LRP1B: variants seen among roughly 807,000 people sequenced by gnomAD.
The protein encoded by LRP1B is low-density lipoprotein receptor-related protein 1B.
In LRP1B, 217 loss-of-function variants were observed where a neutral mutation model predicts 556.6. That is an observed-to-expected ratio of 0.39 (90% confidence interval 0.35 to 0.44). The LOEUF (loss-of-function observed/expected upper bound fraction) is 0.44. LRP1B is among the 20% of genes least tolerant of loss of function. The pLI is 1.00. For missense variants in LRP1B, 5,053 were observed against 5,620.8 expected (o/e 0.90, Z 3.23); for synonymous variants, 2,047 against 1,865.8 (o/e 1.10, Z -2.50).
intron 3 of LRP1B, among the ~76,000 whole-genome samples, chr2:141,414,129 C>T (rs565785499): frequency 6.0e-5 from 9 of 150,044 alleles, no homozygotes; most frequent in African/African-American, 9.8e-5. Flanking sequence ...CCCAGCTACT[C>T]GGGAGACTGA....
At chr2:141,181,554 AAG>A (rs142200319) in intron 7 of LRP1B, among the ~76,000 whole-genome samples, 7,795 of 151,954 alleles carry the variant, frequency 0.051, 288 homozygotes, top group South Asian at 0.11. Context: ...GTAAAAAAGA[AAG>A]AAACAAAAAA....
At chr2:141,824,162 A>G (rs570857151) in intron 1 of LRP1B, among the ~76,000 whole-genome samples, 1 of 152,094 alleles carries the variant, frequency 6.6e-6, no homozygotes, top group Non-Finnish European at 1.5e-5. Flanking sequence ...TTTGTGGGAG[A>G]TAAATAACAG....
chr2:141,861,264 C>T (rs909617278), intron 1 of LRP1B, among the ~76,000 whole-genome samples: 1 of 152,154 alleles, frequency 6.6e-6, no homozygotes, highest in African/African-American at 2.4e-5. Context: ...CCTAAATCCT[C>T]ATTACTCTCC....
Position 140,700,291 on chromosome 2 carries a change from A to C in LRP1B, c.6758T>G (p.Leu2253Arg). Reference protein sequence around the residue: ...YSDAHFGNIQLIKDNWEDRQV... With the variant: ...YSDAHFGNIQRIKDNWEDRQV... Reference sequence around the variant, plus strand: ...TCTGTCTTCCCAGTTGTCTTTAATAAGCTGTATATTTCCAAAGTGTGCATC... The same window carrying C: ...TCTGTCTTCCCAGTTGTCTTTAATACGCTGTATATTTCCAAAGTGTGCATC... The change falls in exon 41 of 91, where the codon CTT (leucine) becomes CGT (arginine). Residue 2253 changes from leucine (L) to arginine (R), a missense_variant. By Grantham distance (102) the Leu-to-Arg change is moderately radical (BLOSUM62 -2). This residue lies in a region of LRP1B where 3,619 missense variants were observed against 3,931.9 expected (regional missense o/e 0.92). Coordinates refer to ENST00000389484, the MANE Select transcript of LRP1B (RefSeq NM_018557.3). 6.2e-7 allele frequency: 1 copy of C among 1,612,412 alleles called. No individual in the cohort carries two copies. Among genetic ancestry groups the C allele is most frequent in the Non-Finnish European group, 8.5e-7 (1 of 1,179,046 alleles).
At chr2:140,878,497 T>C (rs1693376769) in intron 25 of LRP1B, among the ~76,000 whole-genome samples, 1 of 152,178 alleles carries the variant, frequency 6.6e-6, no homozygotes, top group Non-Finnish European at 1.5e-5. Flanking sequence ...AAAATGCCTT[T>C]CTTAAAAATA....
chr2:140,812,459 A>G (rs1690962128), intron 32 of LRP1B, among the ~76,000 whole-genome samples: 1 of 152,096 alleles, frequency 6.6e-6, no homozygotes, highest in Non-Finnish European at 1.5e-5. Flanking sequence ...TCATCTAGAT[A>G]TTTTTAATTT....
chr2:141,037,010 A>G (rs902272363), intron 11 of LRP1B, among the ~76,000 whole-genome samples: 1 of 152,018 alleles, frequency 6.6e-6, no homozygotes, highest in Non-Finnish European at 1.5e-5. Context: ...CAAGACTGGC[A>G]CAAGAGAAAA....
chr2:141,205,638 C>T (rs961698299), intron 6 of LRP1B, among the ~76,000 whole-genome samples: 3 of 152,018 alleles, frequency 2.0e-5, no homozygotes, highest in Non-Finnish European at 2.9e-5. Context: ...GAGAGAACTA[C>T]GATAGTTCTA....
chr2:140,360,825 G>T (rs1473296707), intron 72 of LRP1B, among the ~76,000 whole-genome samples: 1 of 151,566 alleles, frequency 6.6e-6, no homozygotes, highest in African/African-American at 2.4e-5. Context: ...CACAGTGGCA[G>T]TTTCTGTTGC....
intron 41 of LRP1B, among the ~76,000 whole-genome samples, chr2:140,646,099 G>A (rs569073658): frequency 2.7e-4 from 41 of 152,114 alleles, no homozygotes; most frequent in Admixed American, 2.0e-3. Flanking sequence ...CTCAGTTCTC[G>A]TAATTTCATA....
intron 1 of LRP1B, among the ~76,000 whole-genome samples, chr2:141,915,312 G>A (rs1048781039): frequency 6.6e-6 from 1 of 152,072 alleles, no homozygotes; most frequent in African/African-American, 2.4e-5. Flanking sequence ...GAATGAAACT[G>A]AACCTTTCAC....
intron 41 of LRP1B, among the ~76,000 whole-genome samples, chr2:140,603,722 C>T (rs1430388803): frequency 6.6e-6 from 1 of 151,980 alleles, no homozygotes; most frequent in African/African-American, 2.4e-5. Context: ...ATCTGTTTTA[C>T]TTTATTTTTG....
chr2:141,058,993 T>C lies in LRP1B; in HGVS notation c.1298A>G (p.Asn433Ser), dbSNP rs988757446. 1.3e-6 allele frequency: 2 copies of C among 1,593,146 alleles called. No homozygotes were observed. Among genetic ancestry groups the C allele is most frequent in the Admixed American group, 3.5e-5 (2 of 57,708 alleles). Residue 433 changes from asparagine to serine, a missense_variant, in exon 9 of 91, where the codon AAC (asparagine) becomes AGC (serine). By Grantham distance (46) the Asn-to-Ser change is conservative. This residue lies in a region of LRP1B where 3,619 missense variants were observed against 3,931.9 expected (regional missense o/e 0.92). Transcript: ENST00000389484. ...EDYLYATNSD[N>S]YNIVRINRFN... ...TCGGTTTATCCTTACGATATTGTAGTTATCAGAATTGGTTGCATACAAATA... is the reference window on the plus strand; with the variant it reads ...TCGGTTTATCCTTACGATATTGTAGCTATCAGAATTGGTTGCATACAAATA...
intron 66 of LRP1B, among the ~76,000 whole-genome samples, chr2:140,413,936 A>G (rs13028923): frequency 0.11 from 17,145 of 152,166 alleles, 1,086 homozygotes; most frequent in African/African-American, 0.17. Context: ...TTATTTTTCA[A>G]AGACAGGGTC....
intron 1 of LRP1B, among the ~76,000 whole-genome samples, chr2:142,066,581 G>A (rs1430767679): frequency 1.3e-5 from 2 of 151,364 alleles, no homozygotes; most frequent in East Asian, 3.9e-4. Flanking sequence ...CTACTTACAA[G>A]GACTTAGGTA....
At chr2:141,563,946 A>G (rs1686246725) in intron 2 of LRP1B, among the ~76,000 whole-genome samples, 1 of 152,078 alleles carries the variant, frequency 6.6e-6, no homozygotes, top group Admixed American at 6.6e-5. Context: ...GGGATCATTC[A>G]CATCCCAAAC....
chr2:141,237,469 G>A (rs181792770), intron 5 of LRP1B, among the ~76,000 whole-genome samples: 1 of 151,104 alleles, frequency 6.6e-6, no homozygotes, highest in South Asian at 2.1e-4. Flanking sequence ...GCCTCCCAAA[G>A]TGCCAGGACT....
At chr2:140,953,103 G>T (rs967952640) in intron 18 of LRP1B, among the ~76,000 whole-genome samples, 2 of 152,044 alleles carry the variant, frequency 1.3e-5, no homozygotes, top group East Asian at 3.9e-4. Context: ...TTGTTTGTTT[G>T]TTTTTGATAT....
chr2:141,135,967 T>C (rs1016299197), intron 7 of LRP1B, among the ~76,000 whole-genome samples: 25 of 152,026 alleles, frequency 1.6e-4, no homozygotes, highest in Admixed American at 1.4e-3. Flanking sequence ...TTCTGAATTA[T>C]GTTTGCATGA....
Sources: gnomAD v4.1 joint callset for allele counts (sites outside exome capture counted in the v4.1 genomes callset) on GRCh38, gnomAD v4.1.1 for gene constraint, gnomAD v4.1.1 regional missense constraint, MANE v1.5 for transcripts, NCBI Gene and HGNC (gene_info 2026-07-23, HGNC 2026-07-21) for gene names.